The following ZNF892 variants were observed in gnomAD, a reference collection of about 807,000 sequenced individuals.
ZNF892 encodes zinc finger protein 570-like.
the ZNF892 span, among the ~76,000 whole-genome samples, chr2:95,239,689 G>C: frequency 6.6e-6 from 1 of 152,068 alleles, no homozygotes; most frequent in African/African-American, 2.4e-5. Context: ...GTGCGATAGT[G>C]CAATCTTGGC....
At chr2:95,260,492 C>G in the ZNF892 span, among the ~76,000 whole-genome samples, 41 of 152,184 alleles carry the variant, frequency 2.7e-4, no homozygotes, top group African/African-American at 8.9e-4. Context: ...AAGGCCCAAT[C>G]TTCATTTGGG....
chr2:95,242,929 C>T, the ZNF892 span, among the ~76,000 whole-genome samples: 24 of 152,186 alleles, frequency 1.6e-4, no homozygotes, highest in Admixed American at 5.9e-4. Context: ...CCTGCCATCT[C>T]GGCTCACTGC....
chr2:95,261,916 C>T, the ZNF892 span, among the ~76,000 whole-genome samples: 1 of 152,180 alleles, frequency 6.6e-6, no homozygotes, highest in Non-Finnish European at 1.5e-5. Flanking sequence ...TGGGGGCTCC[C>T]CTTCTCCTTC....
chr2:95,234,017 T>C, the ZNF892 span, among the ~76,000 whole-genome samples: 1 of 152,304 alleles, frequency 6.6e-6, no homozygotes, highest in African/African-American at 2.4e-5. Flanking sequence ...TTTTGTGAAA[T>C]ATGTGTGTCT....
At chr2:95,212,442 G>C in the ZNF892 span, among the ~76,000 whole-genome samples, 1 of 152,184 alleles carries the variant, frequency 6.6e-6, no homozygotes, top group Admixed American at 6.5e-5. Context: ...TGTTTATAAA[G>C]TTATAATTTG....
the ZNF892 span, among the ~76,000 whole-genome samples, chr2:95,242,239 G>C: frequency 6.6e-6 from 1 of 152,182 alleles, no homozygotes; most frequent in Non-Finnish European, 1.5e-5. Context: ...AGAGCAGCCA[G>C]AGAGAAAGGC....
the ZNF892 span, among the ~76,000 whole-genome samples, chr2:95,225,616 C>T: frequency 2.0e-5 from 3 of 152,198 alleles, no homozygotes; most frequent in African/African-American, 4.8e-5. Context: ...AACATTCAAA[C>T]CATAGCATTC....
At chr2:95,242,613 A>G in the ZNF892 span, among the ~76,000 whole-genome samples, 7 of 152,228 alleles carry the variant, frequency 4.6e-5, no homozygotes. Flanking sequence ...AGCTAGCATC[A>G]TGATGACAGG....
the ZNF892 span, among the ~76,000 whole-genome samples, chr2:95,246,063 A>C: frequency 2.0e-5 from 3 of 152,232 alleles, no homozygotes; most frequent in Non-Finnish European, 4.4e-5. Context: ...GATACAACAA[A>C]AAAAGAAATT....
chr2:95,219,451 C>A, the ZNF892 span, among the ~76,000 whole-genome samples: 1 of 151,986 alleles, frequency 6.6e-6, no homozygotes, highest in Non-Finnish European at 1.5e-5. Flanking sequence ...TTGCTGAGAG[C>A]CTTTCTTTGC....
the ZNF892 span, among the ~76,000 whole-genome samples, chr2:95,250,290 C>A: frequency 6.6e-5 from 10 of 151,648 alleles, no homozygotes; most frequent in African/African-American, 2.2e-4. Context: ...GATTAGTAAA[C>A]CCAGGTAGAA....
chr2:95,255,328 C>T, the ZNF892 span, among the ~76,000 whole-genome samples: 20 of 152,142 alleles, frequency 1.3e-4, no homozygotes, highest in East Asian at 1.3e-3. Flanking sequence ...GCCTTCATTT[C>T]GTTACATACC....
chr2:95,249,231 ATTTT>A, the ZNF892 span, among the ~76,000 whole-genome samples: 879 of 56,956 alleles, frequency 0.015, 5 homozygotes, highest in African/African-American at 0.058. Flanking sequence ...ATATATATAT[ATTTT>A]TTTTTTTTTT....
chr2:95,259,617 G>A, the ZNF892 span: 1 of 152,282 alleles, frequency 6.6e-6, no homozygotes, highest in Non-Finnish European at 1.5e-5. Flanking sequence ...AGTGAACATG[G>A]AGCATTGTCT....
At chr2:95,207,108 G>A in the ZNF892 span, among the ~76,000 whole-genome samples, 3 of 152,218 alleles carry the variant, frequency 2.0e-5, no homozygotes, top group Non-Finnish European at 4.4e-5. Context: ...AAACATCCCT[G>A]GTTAAAGTAA....
the ZNF892 span, among the ~76,000 whole-genome samples, chr2:95,212,973 C>G: frequency 6.6e-6 from 1 of 152,206 alleles, no homozygotes; most frequent in South Asian, 2.1e-4. Context: ...GGATTTGACC[C>G]TGTTACTTCT....
the ZNF892 span, among the ~76,000 whole-genome samples, chr2:95,210,928 G>A: frequency 6.6e-6 from 1 of 152,118 alleles, no homozygotes; most frequent in African/African-American, 2.4e-5. Flanking sequence ...ATGGGGCAGA[G>A]GGCAGAATAT....
the ZNF892 span, among the ~76,000 whole-genome samples, chr2:95,216,052 T>C: frequency 6.6e-6 from 1 of 152,170 alleles, no homozygotes; most frequent in South Asian, 2.1e-4. Flanking sequence ...GGAAGGGAAG[T>C]TGTCCTTCAT....
chr2:95,254,940 T>G, the ZNF892 span, among the ~76,000 whole-genome samples: 1 of 152,210 alleles, frequency 6.6e-6, no homozygotes, highest in Non-Finnish European at 1.5e-5. Context: ...CCCTTTATCA[T>G]TTTGTATTGC....
Sources: gnomAD v4.1 joint callset for allele counts (sites outside exome capture counted in the v4.1 genomes callset) on GRCh38, gnomAD v4.1.1 for gene constraint, MANE v1.5 for transcripts, NCBI Gene and HGNC (gene_info 2026-07-23, HGNC 2026-07-21) for gene names.